Variants in GABRD observed in about 807,000 individuals in gnomAD.
GABRD encodes gamma-aminobutyric acid type A receptor subunit delta.
A neutral mutation model predicts 47.3 loss-of-function variants in GABRD; 25 were observed. The observed-to-expected ratio is 0.53, with a 90% CI of 0.39 to 0.74. The LOEUF (loss-of-function observed/expected upper bound fraction) is 0.74, where lower values mean the gene tolerates loss of function less well. GABRD is among the 30% of genes least tolerant of loss of function. The pLI is 0.00. For missense variants in GABRD, 497 were observed against 643.4 expected (o/e 0.77, Z 2.46); for synonymous variants, 314 against 278.8 (o/e 1.13, Z -1.26).
At chr1:2,020,712 C>T (rs1658749190) in intron 1 of GABRD, among the ~76,000 whole-genome samples, 1 of 152,208 alleles carries the variant, frequency 6.6e-6, no homozygotes, top group Non-Finnish European at 1.5e-5. Flanking sequence ...GTGCTGGAGC[C>T]ATGGGGACAG....
At chr1:2,021,262 A>G (rs778347787) in intron 1 of GABRD, among the ~76,000 whole-genome samples, 2 of 152,146 alleles carry the variant, frequency 1.3e-5, no homozygotes, top group Non-Finnish European at 2.9e-5. Flanking sequence ...GTCCACACAC[A>G]TGTGCTGGGC....
Position 2,030,240 on chromosome 1 carries a change from T to C in GABRD, c.1317T>C (p.Phe439=). ...CCCGCGCTGTGTTCCCTGCGGCGTT[T>C]GCGGCCGTCAATGTCATCTACTGGG... ...IYARAVFPAA[F]AAVNVIYWAA... Residue 439 remains phenylalanine, a synonymous_variant, in exon 9 of 9, where the codon TTT becomes TTC. Transcript: ENST00000378585. The C allele has an allele frequency of 6.4e-7, 1 of 1,562,980 alleles. No individual in the cohort carries two copies. The highest frequency in any genetic ancestry group is 8.7e-7 in the Non-Finnish European group (1 of 1,150,426).
chr1:2,029,199 G>T lies in GABRD; in HGVS notation c.780G>T (p.Leu260=). 1 of 1,568,382 alleles carries T rather than the reference G, an allele frequency of 6.4e-7. No individual in the cohort carries two copies. Among genetic ancestry groups the T allele is most frequent in the Non-Finnish European group, 8.6e-7 (1 of 1,158,192 alleles). The change falls in exon 7 of 9, where the codon CTG becomes CTT. Residue 260 remains leucine (L), a synonymous_variant. Coordinates refer to ENST00000378585, the MANE Select transcript of GABRD (RefSeq NM_000815.5). The stretch of plus-strand genomic sequence containing the variant: ...TCCAATCCTACATGCCCTCCGTCCT[G>T]CTGGTCGCCATGTCCTGGGTCTCCT... ...YIIQSYMPSV[L]LVAMSWVSFW... is the part of the protein sequence containing the mutation.
intron 1 of GABRD, among the ~76,000 whole-genome samples, chr1:2,022,063 T>G (rs1416409031): frequency 6.6e-6 from 1 of 152,102 alleles, no homozygotes; most frequent in Non-Finnish European, 1.5e-5. Flanking sequence ...ACTTGGAGCC[T>G]GGTGTGTAGC....
intron 3 of GABRD, 29 bp downstream of exon 3, chr1:2,025,430 A>G (rs376672448): frequency 1.4e-4 from 232 of 1,612,550 alleles, no homozygotes; most frequent in Non-Finnish European, 1.8e-4. Flanking sequence ...TGCCTCAGGC[A>G]CGGTGGGTGC....
At position 2,028,384 on chromosome 1, in the gene GABRD, G is replaced by A. The variant is rs1213847549; in HGVS notation, c.691+92G>A. The A allele has an allele frequency of 1.7e-5, 22 of 1,272,498 alleles. No homozygotes were observed. The highest frequency in any genetic ancestry group is 7.1e-5 in the East Asian group (2 of 28,144). 78.8% of individuals were successfully genotyped at this position (1,272,498 alleles called of 1,614,324 possible). A position where few individuals can be genotyped will look rare whatever the true frequency, so the allele number is the denominator to read the frequency against. On this transcript the variant is annotated intron_variant, in intron 6 of 8. Coordinates refer to ENST00000378585, the MANE Select transcript of GABRD (RefSeq NM_000815.5). This position sits in a 1 kb window ranked among gnomAD's most constrained non-coding sequence, Gnocchi z 6.4. ...TCCGCGCGCGCCCACCGCCCCTTCC[G>A]CGTGCGCCCGCCTGTGGTTTTCATG...
intron 4 of GABRD, 22 bp from the exon 5 acceptor site, chr1:2,027,555 A>T (rs1327198260): frequency 6.2e-7 from 1 of 1,606,694 alleles, no homozygotes; most frequent in Admixed American, 1.7e-5. Flanking sequence ...CCAAGGCCTC[A>T]CTGCCATGCT....
At chr1:2,029,077 G>A (rs1659010477) in intron 6 of GABRD, 34 bp from the exon 7 acceptor site, 1 of 1,537,276 alleles carries the variant, frequency 6.5e-7, no homozygotes, top group Admixed American at 2.0e-5. Context: ...GGGCTGGGCA[G>A]GGATGGGGGC....
At position 2,029,740 on chromosome 1, in the gene GABRD, AG is replaced by A; in HGVS notation, c.1039del (p.Val347SerfsTer10). On this transcript the variant is annotated frameshift_variant, in exon 8 of 9. Transcript: ENST00000378585. LOFTEE classifies it high-confidence loss of function. Reference protein sequence around the residue: ...DYRKKQKAKVKVSRPRAEMDV... With the variant: ...DYRKKQKAKVXVSRPRAEMDV... ...AGGAAGAAGCAGAAGGCCAAGGTCA[AG>A]GTCTCCAGGCCGAGGGCAGAGGTGA... 2 of 1,613,118 alleles carry A rather than the reference AG, an allele frequency of 1.2e-6. No homozygotes were observed. Among genetic ancestry groups the A allele is most frequent in the Non-Finnish European group, 1.7e-6 (2 of 1,179,984 alleles).
In GABRD at chr1:2,029,166, G is replaced by A. The variant is rs199993714; in HGVS notation, c.747G>A (p.Val249=). 6.4e-6 allele frequency: 10 copies of A among 1,553,934 alleles called. No homozygotes were observed. Among genetic ancestry groups the A allele is most frequent in the East Asian group, 2.4e-5 (1 of 41,298 alleles). ...TCCACCTGCGGAGGAACCGCGGCGT[G>A]TACATCATCCAATCCTACATGCCCT... ...LHFHLRRNRG[V]YIIQSYMPSV... The change falls in exon 7 of 9, where the codon GTG becomes GTA. Residue 249 remains valine (V), a synonymous_variant. Transcript: ENST00000378585.
At chr1:2,024,788 A>C in intron 1 of GABRD, 154 bp from the exon 2 acceptor site, 1 of 592,934 alleles carries the variant, frequency 1.7e-6, no homozygotes, top group Non-Finnish European at 3.1e-6. Context: ...AGGCTTGGGG[A>C]CTGGCCAGGC....
In GABRD at chr1:2,028,373, C is replaced by T; in HGVS notation, c.691+81C>T. On this transcript the variant is annotated intron_variant, in intron 6 of 8. Transcript: ENST00000378585. This position sits in a 1 kb window ranked among gnomAD's most constrained non-coding sequence, Gnocchi z 6.4. ...CCACCGCCCCTTCCGCGCGCGCCCA[C>T]CGCCCCTTCCGCGTGCGCCCGCCTG... 7.6e-7 allele frequency: 1 copy of T among 1,317,262 alleles called. No individual in the cohort carries two copies. Among genetic ancestry groups the T allele is most frequent in the Non-Finnish European group, 9.8e-7 (1 of 1,022,604 alleles). 81.6% of individuals were successfully genotyped at this position (1,317,262 alleles called of 1,614,324 possible).
intron 1 of GABRD, chr1:2,023,564 C>CG (rs1484126751): frequency 6.6e-6 from 1 of 152,218 alleles, no homozygotes; most frequent in East Asian, 1.9e-4. Flanking sequence ...ATAGGGCACC[C>CG]GCTTGAGGCT....
Position 2,028,137 on chromosome 1 carries a change from T to G in GABRD, c.554-18T>G. ...GCAGGGCCGGGCTCTGCCGCCCACC[T>G]GTGTGCTTTTCCTCCAGACGGTTAC... is the stretch of plus-strand genomic sequence containing the variant. On this transcript the variant is annotated intron_variant, in intron 5 of 8. Transcript: ENST00000378585. This position sits in a 1 kb window ranked among gnomAD's most constrained non-coding sequence, Gnocchi z 6.4. The G allele has an allele frequency of 6.2e-7, 1 of 1,601,736 alleles. No homozygotes were observed. The highest frequency in any genetic ancestry group is 1.1e-5 in the South Asian group (1 of 90,660).
intron 6 of GABRD, 106 bp from the exon 7 acceptor site, chr1:2,029,005 C>T: frequency 7.1e-7 from 1 of 1,411,604 alleles, no homozygotes. Flanking sequence ...AGTCTCTCTT[C>T]TGAGCCCTGG....
At chr1:2,029,337 G>A (rs527966805) in intron 7 of GABRD, 71 bp downstream of exon 7, 57 of 1,498,844 alleles carry the variant, frequency 3.8e-5, no homozygotes, top group Non-Finnish European at 4.7e-5. Context: ...CCCATCCCTC[G>A]GCTGGGGGCT....
At chr1:2,025,136 G>C in intron 2 of GABRD, 82 bp downstream of exon 2, 1 of 1,355,416 alleles carries the variant, frequency 7.4e-7, no homozygotes, top group Non-Finnish European at 1.0e-6. Context: ...TGGGCTGTAG[G>C]CTGGCCTCTA....
chr1:2,025,254 C>G, intron 2 of GABRD, 80 bp from the exon 3 acceptor site: 3 of 1,533,082 alleles, frequency 2.0e-6, no homozygotes, highest in East Asian at 2.3e-5. Flanking sequence ...CTGCCTGTGA[C>G]TGGGACCCCG....
Position 2,028,342 on chromosome 1 carries a change from G to T in GABRD, c.691+50G>T, listed in dbSNP as rs777514334. On this transcript the variant is annotated intron_variant, in intron 6 of 8. Transcript: ENST00000378585. This position sits in a 1 kb window ranked among gnomAD's most constrained non-coding sequence, Gnocchi z 6.4. ...CGCATGTGCCCGCCGCCCCTTCCGC[G>T]CGCGCCCACCGCCCCTTCCGCGCGC... is the stretch of plus-strand genomic sequence containing the variant. 74 of 1,544,532 alleles carry T rather than the reference G, an allele frequency of 4.8e-5. No individual in the cohort carries two copies. The highest frequency in any genetic ancestry group is 5.9e-5 in the Non-Finnish European group (67 of 1,142,204).
Sources: allele counts gnomAD v4.1 joint callset (sites outside exome capture counted in the v4.1 genomes callset), GRCh38; gene constraint gnomAD v4.1.1; non-coding constraint Gnocchi (gnomAD v3.1); transcripts MANE v1.5; gene names NCBI Gene and HGNC (gene_info 2026-07-23, HGNC 2026-07-21).